NRDC: variants seen among roughly 807,000 people sequenced by gnomAD.
NRDC encodes the protein nardilysin convertase, also known as nardilysin.
In NRDC, 54 loss-of-function variants were observed where a neutral mutation model predicts 147.1. The observed-to-expected ratio is 0.37, with a 90% CI of 0.29 to 0.46. The LOEUF is 0.46. Ranked by LOEUF, NRDC falls within the 20% of genes least tolerant of loss-of-function variation. The pLI is 1.00. For synonymous variants in NRDC, 440 were observed against 482.1 expected (o/e 0.91, Z 1.14); for missense variants, 1,082 against 1,370.6 (o/e 0.79, Z 3.33).
intron 5 of NRDC, among the ~76,000 whole-genome samples, chr1:51,825,899 G>A (rs921483552): frequency 1.3e-5 from 2 of 152,226 alleles, no homozygotes; most frequent in Admixed American, 6.5e-5. Context: ...CCAATGTGAT[G>A]GTATTTGGAG....
chr1:51,834,008 G>A lies in NRDC; in HGVS notation c.866+9C>T, dbSNP rs1211885127. On this transcript the variant is annotated intron_variant, in intron 4 of 30. Transcript: ENST00000352171. ...TCATTAAAATTAAAGTATATTTAGA[G>A]TTAGTTACCTATCAAGAGCTTCCTT... is the stretch of plus-strand genomic sequence containing the variant. The A allele has an allele frequency of 6.2e-7, 1 of 1,610,780 alleles. No homozygotes were observed. The highest frequency in any genetic ancestry group is 1.1e-5 in the South Asian group (1 of 90,976).
chr1:51,826,308 CCAT>C (rs1464157080), intron 5 of NRDC, among the ~76,000 whole-genome samples: 1 of 152,120 alleles, frequency 6.6e-6, no homozygotes, highest in African/African-American at 2.4e-5. Flanking sequence ...TTTTAAGCCA[CCAT>C]GTTTCTGCAA....
intron 4 of NRDC, 57 bp from the exon 5 acceptor site, chr1:51,827,926 C>T: frequency 7.6e-7 from 1 of 1,324,218 alleles, no homozygotes; most frequent in Non-Finnish European, 1.1e-6. Context: ...CAATCAACAT[C>T]TATTATTTTA....
At position 51,809,548 on chromosome 1, in the gene NRDC, G is replaced by A. The variant is rs75689980; in HGVS notation, c.1904-147C>T. The A allele has an allele frequency of 1.4e-4, 93 of 676,320 alleles. 1 individual carries two copies. Among genetic ancestry groups the A allele is most frequent in the South Asian group, 1.2e-3 (69 of 59,190 alleles). The allele number at this position is 676,320 out of a possible 1,614,324, so 41.9% of individuals were successfully genotyped here. On this transcript the variant is annotated intron_variant, in intron 16 of 30. Coordinates refer to ENST00000352171, the MANE Select transcript of NRDC (RefSeq NM_001101662.2). Reference sequence around the variant, plus strand: ...ACACATATCCAGGCATTCTAGAATCGTGCTACTCAAAGTGTGGTCCTAGCA... The same window carrying A: ...ACACATATCCAGGCATTCTAGAATCATGCTACTCAAAGTGTGGTCCTAGCA...
chr1:51,846,778 T>C (rs1391671286), intron 1 of NRDC, among the ~76,000 whole-genome samples: 1 of 152,224 alleles, frequency 6.6e-6, no homozygotes, highest in Non-Finnish European at 1.5e-5. Context: ...TTTATTCTTA[T>C]CTGGCCCCAC....
At chr1:51,826,976 GTTGTT>G (rs1376747055) in intron 5 of NRDC, among the ~76,000 whole-genome samples, 1 of 152,248 alleles carries the variant, frequency 6.6e-6, no homozygotes, top group East Asian at 1.9e-4. Flanking sequence ...GTTATCCTTA[GTTGTT>G]TTGTTTTTTC....
chr1:51,848,874 C>T (rs1406197225), intron 1 of NRDC, among the ~76,000 whole-genome samples: 1 of 152,140 alleles, frequency 6.6e-6, no homozygotes, highest in African/African-American at 2.4e-5. Context: ...ATTTGCCCAA[C>T]CTTATTGTGG....
chr1:51,845,836 A>G (rs1681533970), intron 1 of NRDC, among the ~76,000 whole-genome samples: 1 of 152,184 alleles, frequency 6.6e-6, no homozygotes, highest in Non-Finnish European at 1.5e-5. Context: ...ATATATACCA[A>G]ACATTTAATA....
intron 1 of NRDC, among the ~76,000 whole-genome samples, chr1:51,859,332 G>A (rs1378162385): frequency 6.6e-6 from 1 of 152,170 alleles, no homozygotes; most frequent in African/African-American, 2.4e-5. Flanking sequence ...AAATAGAAAT[G>A]GCTTCAAAAT....
At position 51,856,239 on chromosome 1, in the gene NRDC, T is replaced by C. The variant is rs372997025; in HGVS notation, c.342-15725A>G. The stretch of plus-strand genomic sequence containing the variant: ...TTCTTTTTCTCTCATACTACTACAA[T>C]GGTCAGCAACCAAAGTCTTCTGTGA... On this transcript the variant is annotated intron_variant, in intron 1 of 30. Transcript: ENST00000352171. Among the ~76,000 whole-genome samples the C allele has an allele frequency of 8.5e-5, 13 of 152,324 alleles. No homozygotes were observed. The East Asian group carries it at 2.5e-3, about 29-fold the overall frequency.
Position 51,791,055 on chromosome 1 carries a change from G to A in NRDC, c.2961-65C>T, listed in dbSNP as rs377546033. 5.0e-4 allele frequency: 571 copies of A among 1,148,376 alleles called. 8 individuals carry two copies. Among genetic ancestry groups the A allele is most frequent in the South Asian group, 4.9e-3 (383 of 77,396 alleles). 71.1% of individuals were successfully genotyped at this position (1,148,376 alleles called of 1,614,324 possible). On this transcript the variant is annotated intron_variant, in intron 27 of 30. Coordinates refer to ENST00000352171, the MANE Select transcript of NRDC (RefSeq NM_001101662.2). ...TCTTCAATTAAGTCATCAGAAACCC[G>A]ATCTCAGGCAGAAGGCAAAAGAAGG...
intron 2 of NRDC, among the ~76,000 whole-genome samples, chr1:51,838,281 A>G (rs767442058): frequency 2.6e-4 from 39 of 152,206 alleles, no homozygotes; most frequent in Non-Finnish European, 5.0e-4. Flanking sequence ...CTGCTGCTAG[A>G]AAAGATCAAC....
intron 1 of NRDC, among the ~76,000 whole-genome samples, chr1:51,845,608 A>G (rs1681519709): frequency 6.6e-6 from 1 of 152,182 alleles, no homozygotes; most frequent in South Asian, 2.1e-4. Context: ...AAAGAAAAGA[A>G]AAGAAAAGAA....
chr1:51,844,528 G>A (rs1184059286), intron 1 of NRDC, among the ~76,000 whole-genome samples: 1 of 151,776 alleles, frequency 6.6e-6, no homozygotes, highest in Non-Finnish European at 1.5e-5. Context: ...GGATCATGAG[G>A]TCAGGATATC....
At chr1:51,817,964 T>A in intron 10 of NRDC, 102 bp downstream of exon 10, 2 of 794,264 alleles carry the variant, frequency 2.5e-6, no homozygotes. Context: ...ACCGTATTGC[T>A]ATGTTTATAA....
intron 20 of NRDC, among the ~76,000 whole-genome samples, chr1:51,802,901 T>A (rs1679276769): frequency 1.3e-5 from 2 of 152,146 alleles, no homozygotes; most frequent in African/African-American, 4.8e-5. Context: ...TATTATTGAG[T>A]ATATTATATT....
chr1:51,832,595 G>C (rs1680769259), intron 4 of NRDC, among the ~76,000 whole-genome samples: 1 of 152,002 alleles, frequency 6.6e-6, no homozygotes, highest in Non-Finnish European at 1.5e-5. Flanking sequence ...TTTCAATCTT[G>C]CATATATCTA....
At chr1:51,864,498 A>G (rs556392793) in intron 1 of NRDC, among the ~76,000 whole-genome samples, 23 of 152,336 alleles carry the variant, frequency 1.5e-4, no homozygotes, top group Non-Finnish European at 3.4e-4. Flanking sequence ...ATATACAAGT[A>G]CTTACTTAAT....
intron 1 of NRDC, among the ~76,000 whole-genome samples, chr1:51,843,320 A>C (rs935897359): frequency 1.8e-4 from 28 of 152,050 alleles, no homozygotes; most frequent in African/African-American, 6.7e-4. Flanking sequence ...TTAAAAAAAA[A>C]AAAAAAAAAC....
Sources: allele counts gnomAD v4.1 joint callset (sites outside exome capture counted in the v4.1 genomes callset), GRCh38; gene constraint gnomAD v4.1.1; transcripts MANE v1.5; gene names NCBI Gene and HGNC (gene_info 2026-07-23, HGNC 2026-07-21).